NRXN3: variants seen among roughly 807,000 people sequenced by gnomAD.
NRXN3 encodes neurexin 3, also known as neurexin III.
NRXN3 carries 32 observed loss-of-function variants against 137.6 expected under a neutral mutation model. That is an observed-to-expected ratio of 0.23 (90% confidence interval 0.18 to 0.31). The LOEUF (loss-of-function observed/expected upper bound fraction) is 0.31. Ranked by LOEUF, NRXN3 falls within the 10% of genes least tolerant of loss-of-function variation. NRXN3 has a pLI of 1.00. For missense variants in NRXN3, 1,574 were observed against 2,062.5 expected (o/e 0.76, Z 4.59); for synonymous variants, 798 against 784.5 (o/e 1.02, Z -0.29).
At chr14:78,486,979 G>A (rs144435515) in intron 4 of NRXN3, among the ~76,000 whole-genome samples, 5 of 152,222 alleles carry the variant, frequency 3.3e-5, no homozygotes, top group Non-Finnish European at 4.4e-5. Flanking sequence ...ATTTGAATGA[G>A]ACCTATAAGA....
intron 4 of NRXN3, among the ~76,000 whole-genome samples, chr14:78,361,207 C>A (rs2085061849): frequency 1.3e-5 from 2 of 152,088 alleles, no homozygotes; most frequent in Admixed American, 6.6e-5. Flanking sequence ...CAGGTCCCAC[C>A]CCAGATCAAT....
chr14:79,495,914 A>G (rs536904301), intron 16 of NRXN3, among the ~76,000 whole-genome samples: 2 of 151,858 alleles, frequency 1.3e-5, no homozygotes, highest in East Asian at 1.9e-4. Context: ...TTTTATGTTT[A>G]AAAGGTGTCA....
At chr14:79,428,600 A>G (rs958665571) in intron 15 of NRXN3, among the ~76,000 whole-genome samples, 2 of 152,122 alleles carry the variant, frequency 1.3e-5, no homozygotes, top group African/African-American at 4.8e-5. Flanking sequence ...TTATATATAC[A>G]TATATAAGTG....
chr14:79,499,969 G>A (rs1393403968), intron 16 of NRXN3, among the ~76,000 whole-genome samples: 2 of 151,430 alleles, frequency 1.3e-5, no homozygotes, highest in African/African-American at 4.9e-5. Flanking sequence ...GTGTGTGTGT[G>A]TGTGTGTGTG....
chr14:79,582,705 C>T (rs1387659583), intron 16 of NRXN3, among the ~76,000 whole-genome samples: 1 of 152,066 alleles, frequency 6.6e-6, no homozygotes, highest in African/African-American at 2.4e-5. Flanking sequence ...ATGCATGAGT[C>T]CCCACTGGAT....
At chr14:79,446,889 AC>A (rs1173277204) in intron 15 of NRXN3, among the ~76,000 whole-genome samples, 1 of 152,210 alleles carries the variant, frequency 6.6e-6, no homozygotes, top group Non-Finnish European at 1.5e-5. Flanking sequence ...TTCTAAGTGT[AC>A]AATACAGTAT....
At chr14:79,500,254 A>C (rs2096810613) in intron 16 of NRXN3, among the ~76,000 whole-genome samples, 1 of 150,218 alleles carries the variant, frequency 6.7e-6, no homozygotes, top group Non-Finnish European at 1.5e-5. Flanking sequence ...AAAAAAAAAA[A>C]AACCCATAGG....
intron 15 of NRXN3, among the ~76,000 whole-genome samples, chr14:79,389,112 T>G (rs545910765): frequency 6.6e-6 from 1 of 152,064 alleles, no homozygotes; most frequent in African/African-American, 2.4e-5. Context: ...ATGCAGGGGG[T>G]TATTTCATGT....
intron 19 of NRXN3, chr14:79,791,222 G>C (rs982914034): frequency 6.6e-6 from 1 of 152,086 alleles, no homozygotes; most frequent in Non-Finnish European, 1.5e-5. Context: ...ACTAATGAGT[G>C]CCAAAGGAGG....
chr14:78,477,067 T>C (rs996615591), intron 4 of NRXN3, among the ~76,000 whole-genome samples: 3 of 152,226 alleles, frequency 2.0e-5, no homozygotes, highest in South Asian at 2.1e-4. Context: ...CTTTGTACAC[T>C]CTGCTGTATT....
intron 19 of NRXN3, among the ~76,000 whole-genome samples, chr14:79,767,904 A>T (rs1274413978): frequency 6.6e-6 from 1 of 152,182 alleles, no homozygotes; most frequent in Admixed American, 6.5e-5. Context: ...GGCGCAGGTC[A>T]CTGGGTGCAT....
chr14:79,143,908 A>C (rs1388559485), intron 15 of NRXN3, among the ~76,000 whole-genome samples: 1 of 152,164 alleles, frequency 6.6e-6, no homozygotes, highest in Admixed American at 6.5e-5. Flanking sequence ...AAACTTTTCT[A>C]TAAGCCCCTT....
At chr14:79,837,359 T>C (rs1420339370) in intron 20 of NRXN3, among the ~76,000 whole-genome samples, 1 of 152,138 alleles carries the variant, frequency 6.6e-6, no homozygotes, top group Non-Finnish European at 1.5e-5. Context: ...GCACAGAGAC[T>C]AAGTCACTTA....
intron 20 of NRXN3, among the ~76,000 whole-genome samples, chr14:79,825,283 T>A (rs1416384855): frequency 6.7e-6 from 1 of 148,370 alleles, no homozygotes. Context: ...ATTGCACAAA[T>A]GCTGATTTGT....
rs546437166 is a variant in NRXN3, at chr14:78,249,035, A to G, written c.709+5233A>G. On this transcript the variant is annotated intron_variant, in intron 2 of 20. Transcript: ENST00000335750. ...GGGTATACTGTATGCTAAATGGCAGAGCAGCCGCCTGCCACTTGCTTCAAT... is the reference window on the plus strand; with the variant it reads ...GGGTATACTGTATGCTAAATGGCAGGGCAGCCGCCTGCCACTTGCTTCAAT... Among the ~76,000 whole-genome samples, 7 of 152,346 alleles carry G rather than the reference A, an allele frequency of 4.6e-5. No individual in the cohort carries two copies. The South Asian group carries it at 1.5e-3, about 32-fold the overall frequency.
At chr14:79,178,804 C>T (rs1185810540) in intron 15 of NRXN3, among the ~76,000 whole-genome samples, 2 of 152,168 alleles carry the variant, frequency 1.3e-5, no homozygotes, top group African/African-American at 4.8e-5. Flanking sequence ...ATACCAGATA[C>T]TGGAAACCAA....
At chr14:79,819,707 A>T (rs1184034560) in intron 20 of NRXN3, among the ~76,000 whole-genome samples, 3 of 151,188 alleles carry the variant, frequency 2.0e-5, no homozygotes, top group East Asian at 2.0e-4. Context: ...CTGGTCTCGA[A>T]CTCCTGACCT....
chr14:79,619,783 G>A (rs1341304858), intron 16 of NRXN3, among the ~76,000 whole-genome samples: 1 of 152,018 alleles, frequency 6.6e-6, no homozygotes, highest in African/African-American at 2.4e-5. Flanking sequence ...TGTCCTCGAA[G>A]ATCTCCCAAT....
At chr14:79,088,881 A>G (rs1388517209) in intron 15 of NRXN3, among the ~76,000 whole-genome samples, 1 of 152,292 alleles carries the variant, frequency 6.6e-6, no homozygotes, top group East Asian at 1.9e-4. Context: ...TCTAACCTAT[A>G]TAATTCTTAA....
Sources: gnomAD v4.1 joint callset for allele counts (sites outside exome capture counted in the v4.1 genomes callset) on GRCh38, gnomAD v4.1.1 for gene constraint, MANE v1.5 for transcripts, NCBI Gene and HGNC (gene_info 2026-07-23, HGNC 2026-07-21) for gene names.